Variants in DIDO1 observed in about 807,000 individuals in gnomAD.
DIDO1 encodes the protein death inducer-obliterator 1.
In DIDO1, 16 loss-of-function variants were observed where a neutral mutation model predicts 99.4. That is an observed-to-expected ratio of 0.16 (90% CI 0.11 to 0.24). DIDO1 has a LOEUF of 0.24. DIDO1 is among the 10% of genes least tolerant of loss of function. The pLI is 1.00. For missense variants in DIDO1, 2,996 were observed against 3,014.0 expected (o/e 0.99, Z 0.14); for synonymous variants, 1,366 against 1,239.1 (o/e 1.10, Z -2.15).
At chr20:62,910,125 TACAGAA>T (rs985233678) in intron 3 of DIDO1, 105 bp from the exon 4 acceptor site, 218 of 1,212,458 alleles carry the variant, frequency 1.8e-4, no homozygotes, top group Non-Finnish European at 3.8e-5. Flanking sequence ...AATGCAAATA[TACAGAA>T]AAGTAGAGAT....
At chr20:62,929,692 A>AAAAAAAAAAAAAAAAAAAAATAT, upstream of DIDO1, among the ~76,000 whole-genome samples, 1 of 63,710 alleles carries the variant, frequency 1.6e-5, no homozygotes, top group African/African-American at 7.6e-5. Context: ...AAAAAGAAAA[A>AAAAAAAAAAAAAAAAAAAAATAT]GTGTATATAT....
At chr20:62,900,688 C>A (rs2064650818) in intron 6 of DIDO1, among the ~76,000 whole-genome samples, 2 of 152,190 alleles carry the variant, frequency 1.3e-5, no homozygotes, top group Non-Finnish European at 2.9e-5. Context: ...AAATAAACAC[C>A]ACACGCCCTC....
chr20:62,900,265 C>T (rs1304612794), intron 6 of DIDO1, among the ~76,000 whole-genome samples: 1 of 152,256 alleles, frequency 6.6e-6, no homozygotes, highest in Non-Finnish European at 1.5e-5. Context: ...CCTGCCCAGG[C>T]CACTGGCCCA....
At chr20:62,934,724 GCT>G (rs1376931033) in intron 1 of DIDO1, among the ~76,000 whole-genome samples, 1 of 152,022 alleles carries the variant, frequency 6.6e-6, no homozygotes, top group Admixed American at 6.5e-5. Flanking sequence ...TCAACTTCTT[GCT>G]CTCTCACCAA....
chr20:62,925,985 G>A (rs1052129671), intron 1 of DIDO1, among the ~76,000 whole-genome samples: 1 of 152,120 alleles, frequency 6.6e-6, no homozygotes, highest in Non-Finnish European at 1.5e-5. Context: ...CGCACCCAAG[G>A]CCCGGGAGGA....
At chr20:62,891,294 A>C (rs889994542) in intron 14 of DIDO1, 139 bp from the exon 15 acceptor site, 5 of 1,410,562 alleles carry the variant, frequency 3.5e-6, no homozygotes, top group Non-Finnish European at 4.7e-6. Flanking sequence ...CTGCTGTCTC[A>C]GTGAGGCAAT....
Position 62,896,520 on chromosome 20 carries a change from G to C in DIDO1, c.2054+11C>G. 6.3e-7 allele frequency: 1 copy of C among 1,584,378 alleles called. No homozygotes were observed. Among genetic ancestry groups the C allele is most frequent in the Non-Finnish European group, 8.6e-7 (1 of 1,166,958 alleles). On this transcript the variant is annotated intron_variant, in intron 7 of 15. Transcript: ENST00000395343. This position sits in a 1 kb window ranked among gnomAD's most constrained non-coding sequence, Gnocchi z 4.4. ...ATTTTAATGGGTAAGAAATCAAGCA[G>C]AACAGCCCACCTTTTCCACAAAATC... is the stretch of plus-strand genomic sequence containing the variant.
intron 6 of DIDO1, among the ~76,000 whole-genome samples, chr20:62,904,440 G>C (rs762617402): frequency 3.3e-5 from 5 of 152,070 alleles, no homozygotes; most frequent in Non-Finnish European, 7.4e-5. Context: ...TGATCAAAAC[G>C]AGGGACATAT....
chr20:62,880,562 G>C lies in DIDO1; in HGVS notation c.5394C>G (p.Ala1798=). ...SNDGPRGPPP[A]RFGAQKGPIP... ...TGGGCCCCTTCTGGGCTCCGAATCT[G>C]GCTGGCGGAGGCCCTCGTGGCCCAT... The change falls in exon 16 of 16, where the codon GCC becomes GCG. Residue 1798 remains alanine (A), a synonymous_variant. Transcript: ENST00000395343. The C allele has an allele frequency of 6.2e-7, 1 of 1,612,976 alleles. No individual in the cohort carries two copies. Among genetic ancestry groups the C allele is most frequent in the Non-Finnish European group, 8.5e-7 (1 of 1,180,008 alleles).
chr20:62,892,714 C>T lies in DIDO1; in HGVS notation c.3255+95G>A, dbSNP rs905380222. ...GTCAGGCATTTCTGTTTCTCTCCTA[C>T]CTCATGAATTAAGGGAGAAAGTCAT... On this transcript the variant is annotated intron_variant, in intron 13 of 15. Transcript: ENST00000395343. 1.2e-4 allele frequency: 168 copies of T among 1,448,542 alleles called. 1 individual carries two copies. Among genetic ancestry groups the T allele is most frequent in the Non-Finnish European group, 1.5e-5 (16 of 1,081,122 alleles). 89.7% of individuals were successfully genotyped at this position (1,448,542 alleles called of 1,614,324 possible).
chr20:62,919,343 A>T (rs1359516149), intron 1 of DIDO1, among the ~76,000 whole-genome samples: 1 of 152,146 alleles, frequency 6.6e-6, no homozygotes, highest in East Asian at 1.9e-4. Flanking sequence ...GTTTGAGACC[A>T]GCCTGGCCAA....
At chr20:62,926,332 G>A (rs1470571724) in intron 1 of DIDO1, 107 bp downstream of exon 1, 1 of 151,730 alleles carries the variant, frequency 6.6e-6, no homozygotes, top group East Asian at 1.9e-4. Context: ...CGGGATCCGC[G>A]GCTCTCGCCA....
chr20:62,892,536 G>T (rs998269476), intron 13 of DIDO1, among the ~76,000 whole-genome samples: 25 of 152,196 alleles, frequency 1.6e-4, no homozygotes, highest in African/African-American at 6.0e-4. Context: ...ACAGCCATGT[G>T]GTCAGTGCCC....
rs766320892 is a variant in DIDO1, at chr20:62,881,574, G to C, written c.4382C>G (p.Ala1461Gly). The change falls in exon 16 of 16, where the codon GCC (alanine) becomes GGC (glycine). Residue 1461 changes from alanine to glycine, a missense_variant. Physicochemically the swap from Ala to Gly is moderately conservative, Grantham distance 60. Coordinates refer to ENST00000395343, the MANE Select transcript of DIDO1 (RefSeq NM_001193369.2). This position sits in a 1 kb window ranked among gnomAD's most constrained non-coding sequence, Gnocchi z 8.3. The part of the protein sequence containing the change: ...DVRRNSVERP[A>G]EPVAGAATPS... ...CGTCGCAGCCCCGGCCACCGGCTCGGCAGGCCTCTCCACGGAGTTCCTTCT... is the reference window on the plus strand; with the variant it reads ...CGTCGCAGCCCCGGCCACCGGCTCGCCAGGCCTCTCCACGGAGTTCCTTCT... 16 of 1,611,124 alleles carry C rather than the reference G, an allele frequency of 9.9e-6. 1 individual carries two copies. In the African/African-American group the frequency reaches 2.1e-4, roughly 22 times the overall value.
At chr20:62,925,668 C>G (rs923487070) in intron 1 of DIDO1, among the ~76,000 whole-genome samples, 1 of 152,240 alleles carries the variant, frequency 6.6e-6, no homozygotes, top group Admixed American at 6.5e-5. Flanking sequence ...CCTCCACTGT[C>G]TCAGAACCGC....
At position 62,879,396 on chromosome 20, in the gene DIDO1, C is replaced by T. The variant is rs761329223; in HGVS notation, c.6560G>A (p.Arg2187His). The T allele has an allele frequency of 2.6e-6, 4 of 1,543,994 alleles. No individual in the cohort carries two copies. The highest frequency in any genetic ancestry group is 3.4e-4 in the Middle Eastern group (2 of 5,946). The change falls in exon 16 of 16, where the codon CGC (arginine) becomes CAC (histidine). Residue 2187 changes from arginine to histidine, a missense_variant. This residue lies in a region of DIDO1 where 1,562 missense variants were observed against 1,412.6 expected (regional missense o/e 1.11). Coordinates refer to ENST00000395343, the MANE Select transcript of DIDO1 (RefSeq NM_001193369.2). This position sits in a 1 kb window ranked among gnomAD's most constrained non-coding sequence, Gnocchi z 6.3. Reference protein sequence around the residue: ...RNRERERDRRRDRDRSRSRER... With the variant: ...RNRERERDRRHDRDRSRSRER... The stretch of plus-strand genomic sequence containing the variant: ...TCTGCTCCGGGACCGGTCCCGGTCG[C>T]GCCTCCGGTCTCGCTCGCGCTCTCG...
chr20:62,886,425 G>C (rs2064299022), intron 15 of DIDO1, among the ~76,000 whole-genome samples: 1 of 152,198 alleles, frequency 6.6e-6, no homozygotes, highest in South Asian at 2.1e-4. Context: ...GTCAGAATCA[G>C]ACCACACGCA....
chr20:62,931,129 T>A (rs1343707013), upstream of DIDO1, among the ~76,000 whole-genome samples: 6 of 152,150 alleles, frequency 3.9e-5, no homozygotes, highest in African/African-American at 1.4e-4. Context: ...TTTGTAGAGA[T>A]GGGGTTTCAC....
At chr20:62,897,189 T>C (rs1276587171) in intron 6 of DIDO1, among the ~76,000 whole-genome samples, 193 bp from the exon 7 acceptor site, 2 of 152,238 alleles carry the variant, frequency 1.3e-5, no homozygotes, top group Admixed American at 6.5e-5. Context: ...GCAGCATTTA[T>C]GACGGTGACT....
Sources: gnomAD v4.1 joint callset for allele counts (sites outside exome capture counted in the v4.1 genomes callset) on GRCh38, gnomAD v4.1.1 for gene constraint, gnomAD v4.1.1 regional missense constraint, Gnocchi (gnomAD v3.1) non-coding constraint, MANE v1.5 for transcripts, NCBI Gene and HGNC (gene_info 2026-07-23, HGNC 2026-07-21) for gene names.